Variants in ASIC2 observed in about 807,000 individuals in gnomAD.
ASIC2 encodes the protein acid-sensing ion channel 2.
Under a neutral mutation model 57.3 loss-of-function variants are expected in ASIC2, and 25 were observed. The ratio of observed to expected loss-of-function variants is 0.44; its 90% CI spans 0.32 to 0.61. The LOEUF (loss-of-function observed/expected upper bound fraction) is 0.61, where lower values mean the gene tolerates loss of function less well. Among genes scored for constraint, ASIC2 ranks in the 20% least tolerant of loss-of-function variants. The pLI, the probability that ASIC2 is intolerant of heterozygous loss-of-function variation, is 0.06. For synonymous variants in ASIC2, 319 were observed against 307.5 expected (o/e 1.04, Z -0.39); for missense variants, 641 against 738.1 (o/e 0.87, Z 1.52).
intron 1 of ASIC2, among the ~76,000 whole-genome samples, chr17:33,611,051 C>T (rs73276957): frequency 2.0e-5 from 3 of 152,206 alleles, no homozygotes; most frequent in Non-Finnish European, 4.4e-5. Flanking sequence ...CAGGAACTCA[C>T]AATCTGCTAA....
rs191726983 is a variant in ASIC2, at chr17:33,135,375, G to C, written c.709-23308C>G. 2.6e-5 allele frequency among the ~76,000 whole-genome samples: 4 copies of C among 152,276 alleles called. No individual in the cohort carries two copies. In the East Asian group the frequency reaches 7.7e-4, roughly 29 times the overall value. ...TCTGGGCAGCCTTACTTGAATCACT[G>C]TGCCTTACTCTGCCTCTCTGGGTCT... On this transcript the variant is annotated intron_variant, in intron 1 of 9. Transcript: ENST00000225823.
chr17:33,014,106 G>A, intron 9 of ASIC2, 40 bp from the exon 10 acceptor site: 1 of 1,502,374 alleles, frequency 6.7e-7, no homozygotes, highest in Non-Finnish European at 9.1e-7. Flanking sequence ...TATTCGCTCA[G>A]CAAAAATTCT....
chr17:33,517,772 C>T (rs1914620174), intron 1 of ASIC2, among the ~76,000 whole-genome samples: 1 of 151,764 alleles, frequency 6.6e-6, no homozygotes, highest in Non-Finnish European at 1.5e-5. Flanking sequence ...ATGGGTGCAG[C>T]ACACCAACAT....
At chr17:33,186,851 A>G (rs1411526921) in intron 1 of ASIC2, among the ~76,000 whole-genome samples, 1 of 152,238 alleles carries the variant, frequency 6.6e-6, no homozygotes, top group Non-Finnish European at 1.5e-5. Flanking sequence ...GAGCTGAGCA[A>G]AAATTTTAAA....
At chr17:33,355,873 T>C (rs1317742336) in intron 1 of ASIC2, among the ~76,000 whole-genome samples, 1 of 152,044 alleles carries the variant, frequency 6.6e-6, no homozygotes, top group Non-Finnish European at 1.5e-5. Flanking sequence ...GCTTAAAGTG[T>C]AAGGGGAATT....
At chr17:33,774,649 G>T (rs748993) in intron 1 of ASIC2, among the ~76,000 whole-genome samples, 85,400 of 152,084 alleles carry the variant, frequency 0.56, 25,108 homozygotes, top group Non-Finnish European at 0.65. Context: ...GACCAAAATT[G>T]TATGACATAG....
chr17:33,015,873 T>C, intron 9 of ASIC2, 98 bp downstream of exon 9: 2 of 1,268,984 alleles, frequency 1.6e-6, no homozygotes, highest in Middle Eastern at 4.3e-4. Context: ...AGGTGTGCAG[T>C]GAGTCACATC....
intron 1 of ASIC2, chr17:33,793,936 T>A (rs1911844574): frequency 6.6e-6 from 1 of 152,228 alleles, no homozygotes; most frequent in Non-Finnish European, 1.5e-5. Flanking sequence ...GATGATTTTC[T>A]TCATCATTTT....
At chr17:33,380,444 G>A (rs1169395208) in intron 1 of ASIC2, among the ~76,000 whole-genome samples, 1 of 152,116 alleles carries the variant, frequency 6.6e-6, no homozygotes, top group Non-Finnish European at 1.5e-5. Flanking sequence ...TGTAGAAAGT[G>A]TTACCTTCAT....
chr17:33,045,398 T>C (rs2091949591), intron 3 of ASIC2, among the ~76,000 whole-genome samples: 1 of 152,222 alleles, frequency 6.6e-6, no homozygotes, highest in Non-Finnish European at 1.5e-5. Flanking sequence ...CGGAAGCATG[T>C]TCCCAGCAAA....
chr17:33,438,802 C>A (rs1911719749), intron 1 of ASIC2, among the ~76,000 whole-genome samples: 8 of 151,280 alleles, frequency 5.3e-5, no homozygotes, highest in Admixed American at 5.3e-4. Flanking sequence ...GCACTCACTT[C>A]AGCCTCTGGG....
At chr17:34,004,273 G>A (rs1906450242) in intron 1 of ASIC2, 2 of 152,280 alleles carry the variant, frequency 1.3e-5, no homozygotes, top group Admixed American at 6.5e-5. Context: ...CACCTCCTTA[G>A]GAAGATCATA....
chr17:33,149,235 C>A (rs1366550039), intron 1 of ASIC2, among the ~76,000 whole-genome samples: 1 of 152,106 alleles, frequency 6.6e-6, no homozygotes, highest in Non-Finnish European at 1.5e-5. Flanking sequence ...TTATTGTAAT[C>A]CCAACACATA....
At chr17:33,155,549 CTTCT>C (rs1216125241) in intron 1 of ASIC2, among the ~76,000 whole-genome samples, 15 of 139,836 alleles carry the variant, frequency 1.1e-4, no homozygotes, top group South Asian at 2.3e-4. Flanking sequence ...TCTTTTTTCT[CTTCT>C]TTCTTTCTTT....
At chr17:33,049,676 C>T (rs1258729114) in intron 3 of ASIC2, among the ~76,000 whole-genome samples, 2 of 152,204 alleles carry the variant, frequency 1.3e-5, no homozygotes, top group Admixed American at 1.3e-4. Flanking sequence ...GTAAGTTTTA[C>T]AAATGCTGTT....
At chr17:33,390,711 G>C (rs1288599783) in intron 1 of ASIC2, among the ~76,000 whole-genome samples, 1 of 152,358 alleles carries the variant, frequency 6.6e-6, no homozygotes, top group South Asian at 2.1e-4. Flanking sequence ...CCACAGGGCA[G>C]CTCATAAAAG....
intron 1 of ASIC2, among the ~76,000 whole-genome samples, chr17:33,966,159 C>T (rs1915943696): frequency 6.6e-6 from 1 of 152,196 alleles, no homozygotes; most frequent in Non-Finnish European, 1.5e-5. Flanking sequence ...CATCTGAGTA[C>T]CTGTGCGGAT....
chr17:33,648,342 G>A (rs1211525741), intron 1 of ASIC2, among the ~76,000 whole-genome samples: 1 of 152,210 alleles, frequency 6.6e-6, no homozygotes, highest in Non-Finnish European at 1.5e-5. Flanking sequence ...CCTTTCCAGT[G>A]CACTGTCCTG....
intron 1 of ASIC2, among the ~76,000 whole-genome samples, chr17:34,011,011 C>A (rs868300335): frequency 0.26 from 690 of 2,636 alleles, 34 homozygotes; most frequent in Non-Finnish European, 0.31. Flanking sequence ...CACACACACA[C>A]AGATGCCAAA....
Sources: gnomAD v4.1 joint callset for allele counts (sites outside exome capture counted in the v4.1 genomes callset) on GRCh38, gnomAD v4.1.1 for gene constraint, MANE v1.5 for transcripts, NCBI Gene and HGNC (gene_info 2026-07-23, HGNC 2026-07-21) for gene names.